Variants in SLC44A5 observed in about 807,000 individuals in gnomAD.
SLC44A5 encodes solute carrier family 44 member 5.
A neutral mutation model predicts 101.8 loss-of-function variants in SLC44A5; 57 were observed. The observed-to-expected ratio is 0.56, with a 90% CI of 0.45 to 0.70. The LOEUF (loss-of-function observed/expected upper bound fraction) is 0.70. Among genes scored for constraint, SLC44A5 ranks in the 30% least tolerant of loss-of-function variants. The pLI is 0.00. For missense variants in SLC44A5, 737 were observed against 853.1 expected, an observed-to-expected ratio of 0.86 and a Z score of 1.70; for synonymous variants, 281 against 290.9, an observed-to-expected ratio of 0.97 and a Z score of 0.35.
At chr1:75,551,704 G>GA (rs1353475632) in intron 1 of SLC44A5, among the ~76,000 whole-genome samples, 11 of 151,992 alleles carry the variant, frequency 7.2e-5, no homozygotes, top group Non-Finnish European at 1.6e-4. Context: ...AAGCCAACAA[G>GA]AAATGACACA....
chr1:75,325,880 C>T lies in SLC44A5; in HGVS notation c.101+13702G>A, dbSNP rs368330826. Among the ~76,000 whole-genome samples the T allele has an allele frequency of 1.2e-4, 18 of 151,390 alleles. No homozygotes were observed. The East Asian group carries it at 2.7e-3, about 23-fold the overall frequency. ...TAATGAGATATTTTGGGGGTGCAACCGAAGTCCAAACATGAAATTCATTTA... is the reference window on the plus strand; with the variant it reads ...TAATGAGATATTTTGGGGGTGCAACTGAAGTCCAAACATGAAATTCATTTA... On this transcript the variant is annotated intron_variant, in intron 4 of 23. Transcript: ENST00000370859.
In SLC44A5 at chr1:75,603,357, C is replaced by CTT. The variant is rs34089097; in HGVS notation, c.-70+7681_-70+7682dup. Among the ~76,000 whole-genome samples, 164 of 147,178 alleles carry CTT rather than the reference C, an allele frequency of 1.1e-3. 5 individuals are homozygous for CTT. The East Asian group carries it at 0.02, about 18-fold the overall frequency. The stretch of plus-strand genomic sequence containing the variant: ...ATAGTATTCCATAGTGTATTTGTAC[C>CTT]TTTTTTTTTTTCATCCAATTCACTG... On this transcript the variant is annotated intron_variant, in intron 1 of 23. Coordinates refer to ENST00000370859, the MANE Select transcript of SLC44A5 (RefSeq NM_001130058.2).
intron 2 of SLC44A5, among the ~76,000 whole-genome samples, chr1:75,537,339 A>G (rs181540784): frequency 6.6e-6 from 1 of 152,324 alleles, no homozygotes; most frequent in Non-Finnish European, 1.5e-5. Context: ...TCAGTTGAAT[A>G]ATAGCAATGT....
Position 75,292,023 on chromosome 1 carries a change from AAG to A in SLC44A5, c.175+8587_175+8588del, listed in dbSNP as rs1173846002. On this transcript the variant is annotated intron_variant, in intron 5 of 23. Transcript: ENST00000370859. ...CGAGACTCTGTCTCAAAAAAAAAAAAAGAAAAGAAAAGAAAGCAGGGTAAAGC... is the reference window on the plus strand; with the variant it reads ...CGAGACTCTGTCTCAAAAAAAAAAAAAAAAGAAAAGAAAGCAGGGTAAAGC... 9.1e-4 allele frequency among the ~76,000 whole-genome samples: 132 copies of A among 145,112 alleles called. 10 individuals are homozygous for A. The highest frequency in any genetic ancestry group is 2.7e-3 in the Admixed American group (38 of 14,052).
chr1:75,641,773 A>G, the SLC44A5 span: 22 of 1,575,484 alleles, frequency 1.4e-5, no homozygotes, highest in Non-Finnish European at 1.9e-5. Flanking sequence ...TGTCCAGTGG[A>G]AATCCTTTAG....
intron 2 of SLC44A5, among the ~76,000 whole-genome samples, chr1:75,404,040 C>T (rs1271495609): frequency 1.3e-5 from 2 of 151,882 alleles, no homozygotes; most frequent in Non-Finnish European, 2.9e-5. Flanking sequence ...AGCACAAGAA[C>T]TTTGTGAAGC....
the SLC44A5 span, among the ~76,000 whole-genome samples, chr1:75,647,159 C>T: frequency 2.0e-5 from 3 of 152,154 alleles, no homozygotes; most frequent in African/African-American, 4.8e-5. Flanking sequence ...GGACTTGGTG[C>T]CCTGCATCTC....
At chr1:75,494,646 G>C (rs1416716270) in intron 2 of SLC44A5, among the ~76,000 whole-genome samples, 1 of 152,122 alleles carries the variant, frequency 6.6e-6, no homozygotes, top group Admixed American at 6.6e-5. Flanking sequence ...TGAGAAGCTG[G>C]TCTCTAGCCA....
chr1:75,471,423 A>C (rs1209903114), intron 2 of SLC44A5, among the ~76,000 whole-genome samples: 2 of 151,812 alleles, frequency 1.3e-5, no homozygotes, highest in South Asian at 2.1e-4. Flanking sequence ...ACACACACAC[A>C]CCCATGAATT....
chr1:75,239,834 A>G (rs1373776866), intron 9 of SLC44A5, among the ~76,000 whole-genome samples: 4 of 152,094 alleles, frequency 2.6e-5, no homozygotes, highest in Non-Finnish European at 5.9e-5. Context: ...CACTGTAGAA[A>G]TCAGTCAATA....
At chr1:75,347,077 A>G (rs1422084497) in intron 3 of SLC44A5, among the ~76,000 whole-genome samples, 1 of 152,190 alleles carries the variant, frequency 6.6e-6, no homozygotes, top group African/African-American at 2.4e-5. Context: ...TTCTGTAAGA[A>G]GGGGAAAATT....
intron 1 of SLC44A5, among the ~76,000 whole-genome samples, chr1:75,581,859 T>A (rs1673715434): frequency 6.6e-6 from 1 of 152,172 alleles, no homozygotes; most frequent in African/African-American, 2.4e-5. Flanking sequence ...ACACAGCAGC[T>A]CCTCTTTGCT....
chr1:75,619,584 G>T, the SLC44A5 span, among the ~76,000 whole-genome samples: 2 of 151,964 alleles, frequency 1.3e-5, no homozygotes, highest in Admixed American at 6.6e-5. Flanking sequence ...ACAAAAAAGG[G>T]TAGGCCTAAC....
chr1:75,637,934 G>C, the SLC44A5 span, among the ~76,000 whole-genome samples: 1 of 151,976 alleles, frequency 6.6e-6, no homozygotes, highest in South Asian at 2.1e-4. Context: ...TAATTCAAAA[G>C]TATAGTGAAT....
At chr1:75,572,557 AG>A in intron 1 of SLC44A5, among the ~76,000 whole-genome samples, 1 of 152,320 alleles carries the variant, frequency 6.6e-6, no homozygotes, top group Non-Finnish European at 1.5e-5. Context: ...GTCATTTTAG[AG>A]GGAATATTGT....
At chr1:75,323,447 G>GTC (rs1309837720) in intron 4 of SLC44A5, among the ~76,000 whole-genome samples, 1 of 152,062 alleles carries the variant, frequency 6.6e-6, no homozygotes, top group African/African-American at 2.4e-5. Context: ...AGTCCTTTGG[G>GTC]TATATACCCA....
intron 3 of SLC44A5, among the ~76,000 whole-genome samples, chr1:75,376,323 G>T (rs1360914691): frequency 3.3e-5 from 5 of 152,230 alleles, no homozygotes; most frequent in African/African-American, 1.2e-4. Flanking sequence ...CTCCAACTGG[G>T]TGGAGCCCAC....
intron 2 of SLC44A5, among the ~76,000 whole-genome samples, chr1:75,420,160 C>T (rs1029604742): frequency 2.0e-5 from 3 of 152,088 alleles, no homozygotes; most frequent in Non-Finnish European, 4.4e-5. Context: ...AACAGGCCCT[C>T]ACCAGACACC....
Position 75,273,850 on chromosome 1 carries a change from G to T in SLC44A5, c.260+1108C>A, listed in dbSNP as rs181409526. Among the ~76,000 whole-genome samples the T allele has an allele frequency of 1.9e-3, 283 of 152,068 alleles. 1 individual carries two copies. Among genetic ancestry groups the T allele is most frequent in the African/African-American group, 6.6e-3 (273 of 41,504 alleles). On this transcript the variant is annotated intron_variant, in intron 6 of 23. Coordinates refer to ENST00000370859, the MANE Select transcript of SLC44A5 (RefSeq NM_001130058.2). ...GGTCTGTAGGTTTCATTTTTGTTAT[G>T]TTCTTTCCTGGTTTTAATATTAGGG...
Sources: gnomAD v4.1 joint callset for allele counts (sites outside exome capture counted in the v4.1 genomes callset) on GRCh38, gnomAD v4.1.1 for gene constraint, MANE v1.5 for transcripts, NCBI Gene and HGNC (gene_info 2026-07-23, HGNC 2026-07-21) for gene names.